The following RPTOR variants were observed in gnomAD, a reference collection of about 807,000 sequenced individuals.
RPTOR encodes regulatory associated protein of MTOR complex 1, also known as regulatory-associated protein of mTOR.
RPTOR carries 21 observed loss-of-function variants against 169.9 expected under a neutral mutation model. The observed-to-expected ratio is 0.12, with a 90% confidence interval of 0.09 to 0.18. The LOEUF (loss-of-function observed/expected upper bound fraction) is 0.18, where lower values mean the gene tolerates loss of function less well. Ranked by LOEUF, RPTOR falls within the 10% of genes least tolerant of loss-of-function variation. The pLI is 1.00. For synonymous variants in RPTOR, 732 were observed against 753.2 expected (o/e 0.97, Z 0.46); for missense variants, 1,133 against 1,855.9 (o/e 0.61, Z 7.16).
At chr17:80,738,901 A>T (rs1167496996) in intron 5 of RPTOR, among the ~76,000 whole-genome samples, 2 of 152,260 alleles carry the variant, frequency 1.3e-5, no homozygotes, top group Non-Finnish European at 1.5e-5. Flanking sequence ...AGAAAACTTG[A>T]TTAGCCATAA....
intron 9 of RPTOR, among the ~76,000 whole-genome samples, chr17:80,825,540 A>G (rs931554713): frequency 1.3e-5 from 2 of 152,230 alleles, no homozygotes; most frequent in Non-Finnish European, 2.9e-5. Context: ...CTGCCCAGAA[A>G]AAAGGCCAGC....
chr17:80,855,630 C>T, intron 12 of RPTOR, 83 bp downstream of exon 12: 1 of 1,116,504 alleles, frequency 9.0e-7, no homozygotes, highest in Non-Finnish European at 1.4e-6. Flanking sequence ...GCACGTATTT[C>T]ATGATCCAGA....
intron 20 of RPTOR, among the ~76,000 whole-genome samples, chr17:80,904,281 C>T (rs919611123): frequency 6.6e-6 from 1 of 152,218 alleles, no homozygotes; most frequent in Non-Finnish European, 1.5e-5. Flanking sequence ...CACTGGTTCC[C>T]CAGGATGGCA....
At chr17:80,570,179 G>A (rs1351039887) in intron 1 of RPTOR, among the ~76,000 whole-genome samples, 4 of 152,056 alleles carry the variant, frequency 2.6e-5, no homozygotes, top group Non-Finnish European at 4.4e-5. Flanking sequence ...CCTGTGTCAC[G>A]GGGCACACCT....
rs1315735000 is a variant in RPTOR, at chr17:80,947,663, G to T, written c.3265+312G>T. Among the ~76,000 whole-genome samples, 2 of 152,096 alleles carry T rather than the reference G, an allele frequency of 1.3e-5. No individual in the cohort carries two copies. Among genetic ancestry groups the T allele is most frequent in the Admixed American group, 1.3e-4 (2 of 15,274 alleles). On this transcript the variant is annotated intron_variant, in intron 27 of 33. Coordinates refer to ENST00000306801, the MANE Select transcript of RPTOR (RefSeq NM_020761.3). This position sits in a 1 kb window ranked among gnomAD's most constrained non-coding sequence, Gnocchi z 4.4. ...TAAACCCCTGTGAGAGACCCGGTGGGTCCCACGTGACACCCGAGAATCAGG... is the reference window on the plus strand; with the variant it reads ...TAAACCCCTGTGAGAGACCCGGTGGTTCCCACGTGACACCCGAGAATCAGG...
At chr17:80,776,662 C>T (rs1267273535) in intron 6 of RPTOR, among the ~76,000 whole-genome samples, 1 of 152,120 alleles carries the variant, frequency 6.6e-6, no homozygotes, top group African/African-American at 2.4e-5. Context: ...TCTAATTACA[C>T]GGCCCCAAAT....
chr17:80,768,579 T>A lies in RPTOR; in HGVS notation c.830+14394T>A, dbSNP rs538446016. 2.0e-4 allele frequency among the ~76,000 whole-genome samples: 30 copies of A among 152,122 alleles called. No homozygotes were observed. The East Asian group carries it at 3.7e-3, about 19-fold the overall frequency. ...TCAGCCCCGGCCTCACTCCTGCCTGTCCCAGGCCTCCTCACTGTCCGTGTC... is the reference window on the plus strand; with the variant it reads ...TCAGCCCCGGCCTCACTCCTGCCTGACCCAGGCCTCCTCACTGTCCGTGTC... On this transcript the variant is annotated intron_variant, in intron 6 of 33. Coordinates refer to ENST00000306801, the MANE Select transcript of RPTOR (RefSeq NM_020761.3).
chr17:80,776,339 T>TTG (rs1184620271), intron 6 of RPTOR, among the ~76,000 whole-genome samples: 20 of 149,244 alleles, frequency 1.3e-4, no homozygotes, highest in Admixed American at 9.3e-4. Flanking sequence ...TTTTTTTTTT[T>TTG]TGAGATGGAG....
chr17:80,614,208 G>A (rs1291537073), intron 1 of RPTOR, among the ~76,000 whole-genome samples: 1 of 152,308 alleles, frequency 6.6e-6, no homozygotes, highest in Middle Eastern at 3.4e-3. Context: ...GCGGTTGGGG[G>A]TCCCAGAGGT....
At chr17:80,615,881 C>T (rs1481613275) in intron 1 of RPTOR, among the ~76,000 whole-genome samples, 2 of 152,146 alleles carry the variant, frequency 1.3e-5, no homozygotes, top group Admixed American at 1.3e-4. Flanking sequence ...GGCCTTTCTT[C>T]CAGGCCTCTG....
chr17:80,894,162 G>A (rs1008877230), intron 20 of RPTOR, among the ~76,000 whole-genome samples: 2 of 152,174 alleles, frequency 1.3e-5, no homozygotes, highest in African/African-American at 2.4e-5. Flanking sequence ...TTCCATAGAC[G>A]GGTGAGAGTT....
chr17:80,776,212 G>GA (rs1363268179), intron 6 of RPTOR, among the ~76,000 whole-genome samples: 1 of 150,038 alleles, frequency 6.7e-6, no homozygotes, highest in Non-Finnish European at 1.5e-5. Flanking sequence ...TCTCTTAAAA[G>GA]AAAAAAATAA....
At chr17:80,889,345 A>T (rs1447858785) in intron 17 of RPTOR, among the ~76,000 whole-genome samples, 2 of 152,152 alleles carry the variant, frequency 1.3e-5, no homozygotes, top group African/African-American at 4.8e-5. Flanking sequence ...GACAGGTGAA[A>T]GTATGAGTCC....
chr17:80,571,904 A>G (rs772689610), intron 1 of RPTOR, among the ~76,000 whole-genome samples: 1 of 152,190 alleles, frequency 6.6e-6, no homozygotes, highest in Non-Finnish European at 1.5e-5. Context: ...TTTTCTCAGT[A>G]TCGTATTGAT....
At chr17:80,737,653 C>G (rs1313811595) in intron 5 of RPTOR, among the ~76,000 whole-genome samples, 1 of 152,212 alleles carries the variant, frequency 6.6e-6, no homozygotes, top group African/African-American at 2.4e-5. Context: ...TGGCCAAAGT[C>G]AGTTTTGCGT....
intron 1 of RPTOR, among the ~76,000 whole-genome samples, chr17:80,571,043 CAGAGGTTGAAACTGAAATAATTGT>C (rs2064900140): frequency 6.6e-6 from 1 of 152,118 alleles, no homozygotes. Flanking sequence ...CCAGGTAGGT[CAGAGGTTGAAACTGAAATAATTGT>C]TAAACACGTA....
At chr17:80,723,653 T>G (rs1413412807) in intron 4 of RPTOR, among the ~76,000 whole-genome samples, 1 of 151,390 alleles carries the variant, frequency 6.6e-6, no homozygotes, top group Non-Finnish European at 1.5e-5. Flanking sequence ...CCTCTTTGTG[T>G]GCTCGTTACT....
chr17:80,939,972 G>C (rs1567999195), intron 24 of RPTOR, among the ~76,000 whole-genome samples: 1 of 152,174 alleles, frequency 6.6e-6, no homozygotes, highest in Non-Finnish European at 1.5e-5. Context: ...CAGGCGTGGA[G>C]AGCGCCTCTC....
At chr17:80,743,365 G>A in intron 5 of RPTOR, 1 of 985,516 alleles carries the variant, frequency 1.0e-6, no homozygotes, top group Non-Finnish European at 1.2e-6. Context: ...AGGACCGAGG[G>A]AGGCCTGAAG....
Sources: allele counts gnomAD v4.1 joint callset (sites outside exome capture counted in the v4.1 genomes callset), GRCh38; gene constraint gnomAD v4.1.1; non-coding constraint Gnocchi (gnomAD v3.1); transcripts MANE v1.5; gene names NCBI Gene and HGNC (gene_info 2026-07-23, HGNC 2026-07-21).